The following NRXN3 variants were observed in gnomAD, a reference collection of about 807,000 sequenced individuals.
The protein encoded by NRXN3 is neurexin III.
NRXN3 carries 32 observed loss-of-function variants against 137.6 expected under a neutral mutation model. The ratio of observed to expected loss-of-function variants is 0.23; its 90% CI spans 0.18 to 0.31. The LOEUF is 0.31. Among genes scored for constraint, NRXN3 ranks in the 10% least tolerant of loss-of-function variants. The pLI, the probability that NRXN3 is intolerant of heterozygous loss-of-function variation, is 1.00. For synonymous variants in NRXN3, 798 were observed against 784.5 expected (o/e 1.02, Z -0.29); for missense variants, 1,574 against 2,062.5 (o/e 0.76, Z 4.59).
chr14:78,560,808 T>G (rs2096779572), intron 4 of NRXN3, among the ~76,000 whole-genome samples: 1 of 152,228 alleles, frequency 6.6e-6, no homozygotes, highest in Admixed American at 6.5e-5. Context: ...CTTTAAAGGA[T>G]AATCATTGGT....
intron 10 of NRXN3, among the ~76,000 whole-genome samples, chr14:78,916,473 AGCTATG>A (rs2099255730): frequency 6.6e-6 from 1 of 152,214 alleles, no homozygotes; most frequent in Non-Finnish European, 1.5e-5. Context: ...ACAAACAGCC[AGCTATG>A]GGAAGCTCCA....
chr14:78,649,708 T>A (rs1222308203), intron 5 of NRXN3, among the ~76,000 whole-genome samples: 1 of 152,010 alleles, frequency 6.6e-6, no homozygotes, highest in African/African-American at 2.4e-5. Flanking sequence ...TCCCTCTCAC[T>A]CTTCCTCTTT....
intron 16 of NRXN3, among the ~76,000 whole-genome samples, chr14:79,543,671 A>C (rs1438572675): frequency 1.3e-5 from 2 of 152,220 alleles, no homozygotes; most frequent in Non-Finnish European, 2.9e-5. Flanking sequence ...AAACACATTG[A>C]AAACAGAAGC....
chr14:78,827,847 G>T (rs1255229790), intron 10 of NRXN3, among the ~76,000 whole-genome samples: 1 of 152,194 alleles, frequency 6.6e-6, no homozygotes, highest in Non-Finnish European at 1.5e-5. Context: ...TATAGTATTT[G>T]CATTCATGGA....
Position 79,697,622 on chromosome 14 carries a change from C to A in NRXN3, c.3707-8C>A. On this transcript the variant is annotated splice_polypyrimidine_tract_variant and splice_region_variant and intron_variant, in intron 18 of 20. Transcript: ENST00000335750. ...GAATAATAATGTTTCCTCCACCCAACCCACTAGGCCGGCAGTTAACCATCT... is the reference window on the plus strand; with the variant it reads ...GAATAATAATGTTTCCTCCACCCAAACCACTAGGCCGGCAGTTAACCATCT... 6.2e-7 allele frequency: 1 copy of A among 1,609,046 alleles called. No individual in the cohort carries two copies. Among genetic ancestry groups the A allele is most frequent in the Non-Finnish European group, 8.5e-7 (1 of 1,176,768 alleles).
At chr14:78,428,319 A>G (rs943641755) in intron 4 of NRXN3, among the ~76,000 whole-genome samples, 1 of 152,130 alleles carries the variant, frequency 6.6e-6, no homozygotes, top group East Asian at 1.9e-4. Flanking sequence ...CTCTCCCCTA[A>G]TTCAACCCTA....
intron 4 of NRXN3, among the ~76,000 whole-genome samples, chr14:78,408,369 A>G (rs1300299125): frequency 6.6e-6 from 1 of 152,222 alleles, no homozygotes; most frequent in Non-Finnish European, 1.5e-5. Context: ...CTGATCTCCA[A>G]AGCATATGTC....
At chr14:79,378,777 A>G (rs1174405710) in intron 15 of NRXN3, among the ~76,000 whole-genome samples, 1 of 152,158 alleles carries the variant, frequency 6.6e-6, no homozygotes, top group Non-Finnish European at 1.5e-5. Context: ...GATAATGATT[A>G]AAATTGAGGT....
intron 15 of NRXN3, among the ~76,000 whole-genome samples, chr14:79,407,592 T>G (rs1338314897): frequency 6.6e-6 from 1 of 152,174 alleles, no homozygotes; most frequent in Non-Finnish European, 1.5e-5. Flanking sequence ...AATGGGGATG[T>G]GCTATCAGTG....
At chr14:79,290,319 G>A (rs906617641) in intron 15 of NRXN3, among the ~76,000 whole-genome samples, 7 of 152,216 alleles carry the variant, frequency 4.6e-5, no homozygotes, top group South Asian at 2.1e-4. Context: ...GCAATAGAGC[G>A]GGTTGATAGA....
chr14:79,076,658 A>G (rs2046027375), intron 15 of NRXN3, among the ~76,000 whole-genome samples: 1 of 152,214 alleles, frequency 6.6e-6, no homozygotes, highest in Non-Finnish European at 1.5e-5. Context: ...ACTGTATTCT[A>G]TTCATCACTT....
intron 19 of NRXN3, among the ~76,000 whole-genome samples, chr14:79,755,862 TTTATC>T (rs1365254946): frequency 2.6e-5 from 4 of 152,172 alleles, no homozygotes; most frequent in Non-Finnish European, 4.4e-5. Context: ...CACCCCTTAC[TTTATC>T]TTATCTCCTA....
At chr14:79,772,659 A>G (rs2099082621) in intron 19 of NRXN3, among the ~76,000 whole-genome samples, 1 of 152,244 alleles carries the variant, frequency 6.6e-6, no homozygotes, top group Admixed American at 6.5e-5. Context: ...CGTTAGACCT[A>G]AAACCATAAA....
rs1488568125 is a variant in NRXN3 at position 78,645,179 on chromosome 14, C to G, written c.817C>G (p.Gln273Glu). ...AGAGTATCTGTGCTACGACCTGTCT[C>G]AGAACCCGATCCAGAGCAGCAGTGA... is the stretch of plus-strand genomic sequence containing the variant. The part of the protein sequence containing the change: ...GSEYLCYDLS[Q>E]NPIQSSSDEI... Residue 273 changes from glutamine (Q) to glutamate (E), a missense_variant, in exon 5 of 21, where the codon CAG (glutamine) becomes GAG (glutamate). Coordinates refer to ENST00000335750, the MANE Select transcript of NRXN3 (RefSeq NM_001330195.2). The G allele has an allele frequency of 1.3e-6, 2 of 1,593,964 alleles. No individual in the cohort carries two copies. Among genetic ancestry groups the G allele is most frequent in the Admixed American group, 1.7e-5 (1 of 59,320 alleles).
At chr14:79,369,319 C>G (rs2094007619) in intron 15 of NRXN3, among the ~76,000 whole-genome samples, 1 of 152,084 alleles carries the variant, frequency 6.6e-6, no homozygotes, top group South Asian at 2.1e-4. Context: ...GCTTCTATGT[C>G]AAGGAGGATG....
rs753418896 is a variant in NRXN3 at position 79,089,244 on chromosome 14, T to A, written c.3262+101103T>A. Among the ~76,000 whole-genome samples the A allele has an allele frequency of 7.6e-4, 115 of 152,274 alleles. 1 individual carries two copies. The highest frequency in any genetic ancestry group is 2.1e-4 in the Non-Finnish European group (14 of 68,032). On this transcript the variant is annotated intron_variant, in intron 15 of 20. Coordinates refer to ENST00000335750, the MANE Select transcript of NRXN3 (RefSeq NM_001330195.2). Reference sequence around the variant, plus strand: ...ATAGAGAAAATATGATTTGATTGCCTAACAATATATTTATAATTTACATAC... The same window carrying A: ...ATAGAGAAAATATGATTTGATTGCCAAACAATATATTTATAATTTACATAC...
chr14:79,705,276 C>T lies in NRXN3; in HGVS notation c.4014+7339C>T, dbSNP rs116727237. Among the ~76,000 whole-genome samples the T allele has an allele frequency of 8.4e-3, 1,276 of 152,118 alleles. 28 individuals are homozygous for T. Among genetic ancestry groups the T allele is most frequent in the African/African-American group, 0.028 (1,164 of 41,506 alleles). ...CTAATTACCTAACAGACTCTTTAGC[C>T]GAATCTAAAGCCAAAATCCTTGCTG... On this transcript the variant is annotated intron_variant, in intron 19 of 20. Transcript: ENST00000335750.
chr14:78,649,359 G>A lies in NRXN3; in HGVS notation c.1060-1806G>A, dbSNP rs539352262. ...TCTTTTTTTGGGTTTGCCGTGTGTT[G>A]CCCCCCTTTTCCTCTCCAACCCCCC... On this transcript the variant is annotated intron_variant, in intron 5 of 20. Coordinates refer to ENST00000335750, the MANE Select transcript of NRXN3 (RefSeq NM_001330195.2). 1.6e-5 allele frequency: 15 copies of A among 939,528 alleles called. No individual in the cohort carries two copies. The Admixed American group carries it at 3.5e-4, about 22-fold the overall frequency. The allele number at this position is 939,528 out of a possible 1,614,324, so 58.2% of individuals were successfully genotyped here.
At chr14:79,254,418 TC>T (rs1223106782) in intron 15 of NRXN3, among the ~76,000 whole-genome samples, 3 of 152,160 alleles carry the variant, frequency 2.0e-5, no homozygotes, top group Admixed American at 6.5e-5. Flanking sequence ...TTAATGAAGC[TC>T]CTTGGTGACT....
Sources: gnomAD v4.1 joint callset for allele counts (sites outside exome capture counted in the v4.1 genomes callset) on GRCh38, gnomAD v4.1.1 for gene constraint, MANE v1.5 for transcripts, NCBI Gene and HGNC (gene_info 2026-07-23, HGNC 2026-07-21) for gene names.